The following FSTL4 variants were observed in gnomAD, a reference collection of about 807,000 sequenced individuals.
FSTL4 encodes the protein follistatin-related protein 4.
A neutral mutation model predicts 78.2 loss-of-function variants in FSTL4; 28 were observed. The observed-to-expected ratio is 0.36, with a 90% confidence interval of 0.27 to 0.49. The LOEUF is 0.49. Ranked by LOEUF, FSTL4 falls within the 20% of genes least tolerant of loss-of-function variation. FSTL4 has a pLI of 0.98. For synonymous variants in FSTL4, 422 were observed against 440.5 expected (o/e 0.96, Z 0.53); for missense variants, 922 against 1,084.9 (o/e 0.85, Z 2.11).
intron 3 of FSTL4, among the ~76,000 whole-genome samples, chr5:133,538,041 C>T (rs1397362629): frequency 7.9e-5 from 12 of 152,006 alleles, no homozygotes; most frequent in Non-Finnish European, 1.8e-4. Flanking sequence ...TAGAAATCAG[C>T]ATTGTTATGA....
chr5:133,835,855 C>A, the FSTL4 span, among the ~76,000 whole-genome samples: 2 of 152,124 alleles, frequency 1.3e-5, no homozygotes, highest in Admixed American at 1.3e-4. Context: ...TTGAGTCTAA[C>A]AATTTTTGCT....
At chr5:133,513,935 T>C (rs952551117) in intron 3 of FSTL4, among the ~76,000 whole-genome samples, 2 of 152,012 alleles carry the variant, frequency 1.3e-5, no homozygotes, top group African/African-American at 4.8e-5. Context: ...TCCCAGAACT[T>C]TGGGAGGCCA....
chr5:133,684,525 A>G, the FSTL4 span, among the ~76,000 whole-genome samples: 2 of 152,206 alleles, frequency 1.3e-5, no homozygotes, highest in Non-Finnish European at 2.9e-5. Flanking sequence ...AAGACTTCAC[A>G]GTTTTCTCCC....
At chr5:133,389,154 A>G (rs1755778656) in intron 4 of FSTL4, among the ~76,000 whole-genome samples, 1 of 152,148 alleles carries the variant, frequency 6.6e-6, no homozygotes, top group African/African-American at 2.4e-5. Flanking sequence ...GTTTCTTGTA[A>G]TAATTTTTCC....
rs1478232335 is a variant in FSTL4, at chr5:133,440,542, C to T, written c.161-39556G>A. 6.6e-6 allele frequency among the ~76,000 whole-genome samples: 1 copy of T among 152,212 alleles called. No homozygotes were observed. The highest frequency in any genetic ancestry group is 1.5e-5 in the Non-Finnish European group (1 of 68,030). ...AACTTCCTGGGAGAAGCAGTCGGTACTGGACTTAGCTTATCGCCTCCCCAG... is the reference window on the plus strand; with the variant it reads ...AACTTCCTGGGAGAAGCAGTCGGTATTGGACTTAGCTTATCGCCTCCCCAG... On this transcript the variant is annotated intron_variant, in intron 3 of 15. Coordinates refer to ENST00000265342, the MANE Select transcript of FSTL4 (RefSeq NM_015082.2). This position sits in a 1 kb window ranked among gnomAD's most constrained non-coding sequence, Gnocchi z 4.1.
At chr5:133,350,526 G>A (rs973201782) in intron 4 of FSTL4, among the ~76,000 whole-genome samples, 1 of 152,192 alleles carries the variant, frequency 6.6e-6, no homozygotes, top group Non-Finnish European at 1.5e-5. Context: ...TCAAGGTTTA[G>A]GTTCCTGTTT....
chr5:133,628,788 T>C, the FSTL4 span, among the ~76,000 whole-genome samples: 1 of 152,050 alleles, frequency 6.6e-6, no homozygotes, highest in African/African-American at 2.4e-5. Flanking sequence ...AATAAAAAAA[T>C]AAAAAAATAG....
At chr5:133,685,374 C>T in the FSTL4 span, among the ~76,000 whole-genome samples, 2 of 152,254 alleles carry the variant, frequency 1.3e-5, no homozygotes, top group Non-Finnish European at 2.9e-5. Flanking sequence ...TGGCCAGCTG[C>T]GTTGGGAAAG....
intron 3 of FSTL4, among the ~76,000 whole-genome samples, chr5:133,564,197 C>A (rs1759978857): frequency 6.6e-6 from 1 of 152,172 alleles, no homozygotes; most frequent in Admixed American, 6.5e-5. Context: ...AGGGCCCACC[C>A]TAATCCATTA....
chr5:133,517,437 A>ATATATATATATAT (rs1561453724), intron 3 of FSTL4, among the ~76,000 whole-genome samples: 1 of 32,322 alleles, frequency 3.1e-5, no homozygotes, highest in African/African-American at 1.5e-4. Flanking sequence ...AAAAAAAAAA[A>ATATATATATATAT]AAAAAAAAAA....
At chr5:133,791,539 A>C in the FSTL4 span, among the ~76,000 whole-genome samples, 1 of 152,176 alleles carries the variant, frequency 6.6e-6, no homozygotes, top group Admixed American at 6.5e-5. Context: ...AACTAATGAG[A>C]GCTGAGCCAT....
At chr5:133,614,360 C>T (rs1761163220), upstream of FSTL4, among the ~76,000 whole-genome samples, 1 of 152,208 alleles carries the variant, frequency 6.6e-6, no homozygotes, top group Non-Finnish European at 1.5e-5. Flanking sequence ...CTTCTACACG[C>T]TTCCCAAAGA....
chr5:133,412,865 C>T lies in FSTL4; in HGVS notation c.161-11879G>A, dbSNP rs535211893. The stretch of plus-strand genomic sequence containing the variant: ...GAGACTTTCTTCTTTTGCTCTCCCA[C>T]GATATTTAGTTACACCCATGTCTGC... On this transcript the variant is annotated intron_variant, in intron 3 of 15. Transcript: ENST00000265342. Among the ~76,000 whole-genome samples the T allele has an allele frequency of 1.1e-4, 16 of 152,260 alleles. No individual in the cohort carries two copies. The South Asian group carries it at 1.5e-3, about 14-fold the overall frequency.
At chr5:133,501,658 C>T (rs919795185) in intron 3 of FSTL4, among the ~76,000 whole-genome samples, 3 of 152,292 alleles carry the variant, frequency 2.0e-5, no homozygotes, top group East Asian at 3.9e-4. Flanking sequence ...CCCAATATTC[C>T]ATGCCGTAAC....
At chr5:133,796,176 C>G in the FSTL4 span, among the ~76,000 whole-genome samples, 1 of 152,222 alleles carries the variant, frequency 6.6e-6, no homozygotes, top group East Asian at 1.9e-4. Context: ...CCTGAACCCC[C>G]ACGCAGGACA....
the FSTL4 span, among the ~76,000 whole-genome samples, chr5:133,740,703 A>T: frequency 6.6e-6 from 1 of 152,134 alleles, no homozygotes; most frequent in African/African-American, 2.4e-5. Flanking sequence ...GCAGGTGGCA[A>T]GCCTCTGAAA....
At chr5:133,369,084 G>A (rs866661189) in intron 4 of FSTL4, among the ~76,000 whole-genome samples, 2 of 152,278 alleles carry the variant, frequency 1.3e-5, no homozygotes, top group East Asian at 1.9e-4. Flanking sequence ...TTCCAAGGCT[G>A]GCTTGGTCTC....
intron 4 of FSTL4, among the ~76,000 whole-genome samples, chr5:133,342,274 G>C (rs975984865): frequency 2.0e-5 from 3 of 152,154 alleles, no homozygotes; most frequent in African/African-American, 7.2e-5. Flanking sequence ...AGAAGCTGTG[G>C]GGTCAGGCTG....
rs992197278 is a variant in FSTL4 at position 133,426,370 on chromosome 5, C to T, written c.161-25384G>A. On this transcript the variant is annotated intron_variant, in intron 3 of 15. Transcript: ENST00000265342. The surrounding 1 kb of genome is among the most constrained non-coding windows in gnomAD (Gnocchi z 5.0). ...CCGCAGGACCAGTGGCTTGGGTCTC[C>T]TGCATAATGAGCCCATGTCACTTCA... is the stretch of plus-strand genomic sequence containing the variant. Among the ~76,000 whole-genome samples the T allele has an allele frequency of 7.9e-5, 12 of 152,256 alleles. No individual in the cohort carries two copies. Among genetic ancestry groups the T allele is most frequent in the Admixed American group, 6.5e-4 (10 of 15,294 alleles).
Sources: gnomAD v4.1 joint callset for allele counts (sites outside exome capture counted in the v4.1 genomes callset) on GRCh38, gnomAD v4.1.1 for gene constraint, Gnocchi (gnomAD v3.1) non-coding constraint, MANE v1.5 for transcripts, NCBI Gene and HGNC (gene_info 2026-07-23, HGNC 2026-07-21) for gene names.